The following ATL3 variants were observed in gnomAD, a reference collection of about 807,000 sequenced individuals.
ATL3 encodes the protein atlastin GTPase 3.
In ATL3, 49 loss-of-function variants were observed where a neutral mutation model predicts 69.5. The observed-to-expected ratio is 0.71, with a 90% confidence interval of 0.56 to 0.89. ATL3 has a LOEUF of 0.89. ATL3 is among the 40% of genes least tolerant of loss of function. The pLI is 0.00. For missense variants in ATL3, 606 were observed against 645.7 expected (o/e 0.94, Z 0.67); for synonymous variants, 214 against 224.1 (o/e 0.95, Z 0.40).
intron 5 of ATL3, among the ~76,000 whole-genome samples, chr11:63,651,005 T>C (rs547408205): frequency 2.0e-4 from 31 of 152,308 alleles, no homozygotes; most frequent in African/African-American, 7.2e-4. Context: ...GTAATCCCTA[T>C]AATAATGACA....
chr11:63,661,888 CA>C (rs527840648), intron 1 of ATL3, among the ~76,000 whole-genome samples: 21 of 139,640 alleles, frequency 1.5e-4, no homozygotes, highest in Non-Finnish European at 1.2e-4. Flanking sequence ...CACTCCGTCT[CA>C]AAAAAAAAAA....
intron 3 of ATL3, among the ~76,000 whole-genome samples, chr11:63,657,293 T>TGTA (rs1940286004): frequency 6.6e-6 from 1 of 151,512 alleles, no homozygotes; most frequent in African/African-American, 2.4e-5. Flanking sequence ...GATGAAAGTC[T>TGTA]GTATAAGAAA....
chr11:63,665,009 TAA>T (rs990215032), intron 1 of ATL3, among the ~76,000 whole-genome samples: 1 of 152,128 alleles, frequency 6.6e-6, no homozygotes, highest in African/African-American at 2.4e-5. Flanking sequence ...ACATGGAAGA[TAA>T]AGTTACGTGG....
chr11:63,636,413 C>T, intron 8 of ATL3, 79 bp from the exon 9 acceptor site: 2 of 1,571,350 alleles, frequency 1.3e-6, no homozygotes, highest in Non-Finnish European at 1.7e-6. Flanking sequence ...ATGCAGTCTT[C>T]CCAGTCTAGT....
At chr11:63,646,620 G>T in intron 5 of ATL3, 57 bp from the exon 6 acceptor site, 1 of 1,168,564 alleles carries the variant, frequency 8.6e-7, no homozygotes, top group Non-Finnish European at 1.2e-6. Context: ...TAGTTCTATG[G>T]CCTTTTTAGC....
At chr11:63,646,471 A>G in intron 6 of ATL3, 36 bp downstream of exon 6, 11 of 1,331,736 alleles carry the variant, frequency 8.3e-6, no homozygotes, top group Non-Finnish European at 9.4e-6. Flanking sequence ...AAACAAAAAC[A>G]AAGGTATGAA....
intron 1 of ATL3, among the ~76,000 whole-genome samples, chr11:63,664,557 G>A (rs549025667): frequency 7.3e-5 from 11 of 151,596 alleles, no homozygotes; most frequent in African/African-American, 1.4e-4. Context: ...AAAGCGTACT[G>A]AGCAATGTGA....
upstream of ATL3, chr11:63,671,426 C>A: frequency 2.0e-6 from 3 of 1,512,748 alleles, no homozygotes; most frequent in Middle Eastern, 3.6e-4. Context: ...AAGCGGGAAA[C>A]GGGCGGAGCC....
intron 12 of ATL3, 77 bp downstream of exon 12, chr11:63,630,963 A>G (rs887938036): frequency 6.8e-5 from 98 of 1,451,160 alleles, no homozygotes; most frequent in Non-Finnish European, 8.4e-5. Context: ...AAATTCTTCC[A>G]AACTGAGATA....
upstream of ATL3, chr11:63,671,470 C>T: frequency 6.8e-7 from 1 of 1,472,204 alleles, no homozygotes; most frequent in Non-Finnish European, 8.9e-7. Flanking sequence ...GAAGGTGGGG[C>T]ACGCGGAGCC....
At chr11:63,644,370 A>ACATACT in intron 6 of ATL3, 109 bp from the exon 7 acceptor site, 1 of 577,354 alleles carries the variant, frequency 1.7e-6, no homozygotes, top group Non-Finnish European at 3.0e-6. Flanking sequence ...GGGGTAAAGT[A>ACATACT]GAAGGATTTA....
At chr11:63,655,979 C>A (rs1432188435) in intron 3 of ATL3, among the ~76,000 whole-genome samples, 1 of 152,214 alleles carries the variant, frequency 6.6e-6, no homozygotes, top group South Asian at 2.1e-4. Context: ...AATCCCAGCA[C>A]TTTGGGAGGC....
At chr11:63,667,749 G>C (rs995956513) in intron 1 of ATL3, among the ~76,000 whole-genome samples, 18 of 147,928 alleles carry the variant, frequency 1.2e-4, no homozygotes, top group African/African-American at 4.2e-4. Flanking sequence ...GGGTGACAGA[G>C]CGAGACTCTG....
intron 3 of ATL3, among the ~76,000 whole-genome samples, chr11:63,653,800 G>C (rs986020882): frequency 1.1e-4 from 17 of 152,196 alleles, no homozygotes; most frequent in African/African-American, 4.1e-4. Flanking sequence ...AAACTATGGA[G>C]ACAGTAAAAA....
At chr11:63,635,415 C>A (rs1011908049) in intron 10 of ATL3, 119 bp downstream of exon 10, 7 of 859,372 alleles carry the variant, frequency 8.1e-6, no homozygotes, top group East Asian at 7.7e-5. Flanking sequence ...AATTAACAGA[C>A]CTCAGCATGA....
intron 12 of ATL3, among the ~76,000 whole-genome samples, chr11:63,629,688 T>G (rs1458970026): frequency 2.6e-5 from 4 of 152,038 alleles, no homozygotes; most frequent in African/African-American, 9.7e-5. Context: ...AAATGTATCA[T>G]CTCAAAGATC....
At chr11:63,654,448 A>C (rs1481534593) in intron 3 of ATL3, among the ~76,000 whole-genome samples, 3 of 151,868 alleles carry the variant, frequency 2.0e-5, no homozygotes, top group Admixed American at 2.0e-4. Flanking sequence ...CCCAGGTTGG[A>C]GTACAATGGC....
chr11:63,635,694 T>A (rs1418382392), intron 9 of ATL3, 104 bp from the exon 10 acceptor site: 8 of 877,596 alleles, frequency 9.1e-6, no homozygotes, highest in Middle Eastern at 2.7e-4. Flanking sequence ...TCCTAAAGAC[T>A]TAGGTCAACA....
intron 1 of ATL3, among the ~76,000 whole-genome samples, chr11:63,663,037 AAG>A (rs1260900835): frequency 6.6e-6 from 1 of 152,220 alleles, no homozygotes; most frequent in African/African-American, 2.4e-5. Flanking sequence ...GTTTGACTGC[AAG>A]ACTCTCTCCC....
Sources: allele counts gnomAD v4.1 joint callset (sites outside exome capture counted in the v4.1 genomes callset), GRCh38; gene constraint gnomAD v4.1.1; transcripts MANE v1.5; gene names NCBI Gene and HGNC (gene_info 2026-07-23, HGNC 2026-07-21).